HPSE2: variants seen among roughly 807,000 people sequenced by gnomAD.
The protein encoded by HPSE2 is heparanase 2 (inactive), also known as inactive heparanase-2.
A neutral mutation model predicts 60.5 loss-of-function variants in HPSE2; 38 were observed. The observed-to-expected ratio is 0.63, with a 90% CI of 0.48 to 0.82. The LOEUF is 0.82. Ranked by LOEUF, HPSE2 falls within the 40% of genes least tolerant of loss-of-function variation. The pLI, the probability that HPSE2 is intolerant of heterozygous loss-of-function variation, is 0.00. For synonymous variants in HPSE2, 295 were observed against 293.2 expected (o/e 1.01, Z -0.06); for missense variants, 713 against 740.4 (o/e 0.96, Z 0.43).
At position 98,908,689 on chromosome 10, in the gene HPSE2, A is replaced by AAT. The variant is rs1953895296; in HGVS notation, c.611-164634_611-164633insAT. On this transcript the variant is annotated intron_variant, in intron 3 of 11. Coordinates refer to ENST00000370552, the MANE Select transcript of HPSE2 (RefSeq NM_021828.5). ...CAAGAGCGTAGCTCCATCTCAAAAAAAAAAAAAAAAAAAAAAAAAAGATGG... is the reference window on the plus strand; with the variant it reads ...CAAGAGCGTAGCTCCATCTCAAAAAAATAAAAAAAAAAAAAAAAAAAAGATGG... 2.8e-5 allele frequency among the ~76,000 whole-genome samples: 4 copies of AAT among 143,430 alleles called. No individual in the cohort carries two copies. The South Asian group carries it at 8.6e-4, about 31-fold the overall frequency. The allele number at this position is 143,430 out of a possible 152,430, so 94.1% of individuals were successfully genotyped here. A position where few individuals can be genotyped will look rare whatever the true frequency, so the allele number is the denominator to read the frequency against.
rs1354145607 is a variant in HPSE2 at position 98,938,358 on chromosome 10, G to T, written c.611-194302C>A. 5.6e-5 allele frequency among the ~76,000 whole-genome samples: 8 copies of T among 144,000 alleles called. 1 individual carries two copies. The highest frequency in any genetic ancestry group is 2.0e-4 in the African/African-American group (7 of 35,398). The allele number at this position is 144,000 out of a possible 152,430, so 94.5% of individuals were successfully genotyped here. ...AACTTTGAAAAAAATTTAGACAAAT[G>T]TATAACTAGAATAACCAATACAGAG... On this transcript the variant is annotated intron_variant, in intron 3 of 11. Coordinates refer to ENST00000370552, the MANE Select transcript of HPSE2 (RefSeq NM_021828.5).
At chr10:99,083,717 A>G (rs1329930357) in intron 3 of HPSE2, among the ~76,000 whole-genome samples, 1 of 152,200 alleles carries the variant, frequency 6.6e-6, no homozygotes, top group Non-Finnish European at 1.5e-5. Context: ...TCCCTTCTCA[A>G]CTATCTTTTC....
At chr10:99,094,477 A>T (rs1389597748) in intron 3 of HPSE2, among the ~76,000 whole-genome samples, 1 of 137,702 alleles carries the variant, frequency 7.3e-6, no homozygotes, top group Non-Finnish European at 1.5e-5. Flanking sequence ...TGATGTCATG[A>T]ATATTAACAT....
At chr10:98,954,634 C>T (rs758301180) in intron 3 of HPSE2, among the ~76,000 whole-genome samples, 16 of 152,108 alleles carry the variant, frequency 1.1e-4, no homozygotes, top group Non-Finnish European at 1.6e-4. Flanking sequence ...GCAAGTTGAA[C>T]ACCTTTCGGC....
At chr10:98,743,671 G>A (rs1303046775) in intron 4 of HPSE2, among the ~76,000 whole-genome samples, 1 of 141,770 alleles carries the variant, frequency 7.1e-6, no homozygotes, top group Non-Finnish European at 1.6e-5. Context: ...GGTAACTAGA[G>A]ATAACTATAG....
chr10:98,519,915 T>C (rs956169289), intron 9 of HPSE2, among the ~76,000 whole-genome samples: 1 of 152,184 alleles, frequency 6.6e-6, no homozygotes, highest in Non-Finnish European at 1.5e-5. Context: ...TTAAACTGTA[T>C]CTGAGTAGCA....
At chr10:98,480,076 C>T (rs1207935866) in intron 11 of HPSE2, among the ~76,000 whole-genome samples, 2 of 148,436 alleles carry the variant, frequency 1.3e-5, no homozygotes, top group African/African-American at 2.6e-5. Context: ...TTCTCTTTGT[C>T]CTTGTCCCTC....
chr10:98,842,909 T>C (rs907666603), intron 3 of HPSE2, among the ~76,000 whole-genome samples: 2 of 150,906 alleles, frequency 1.3e-5, no homozygotes, highest in Non-Finnish European at 3.0e-5. Flanking sequence ...ACTGTCTCCA[T>C]ACTTTTGCCT....
intron 9 of HPSE2, among the ~76,000 whole-genome samples, chr10:98,602,568 C>G (rs1448035057): frequency 6.6e-6 from 1 of 152,052 alleles, no homozygotes; most frequent in East Asian, 1.9e-4. Context: ...TGGCCATAAT[C>G]TCTTGATTAC....
At chr10:98,503,777 A>G (rs943758665) in intron 9 of HPSE2, among the ~76,000 whole-genome samples, 3 of 152,162 alleles carry the variant, frequency 2.0e-5, no homozygotes, top group African/African-American at 7.2e-5. Context: ...AAAACCAAAC[A>G]TGTTCTCACT....
chr10:98,734,667 C>T (rs1949306032), intron 4 of HPSE2, among the ~76,000 whole-genome samples: 1 of 152,090 alleles, frequency 6.6e-6, no homozygotes, highest in African/African-American at 2.4e-5. Context: ...TTTGGAGACA[C>T]AAAATATTTT....
intron 3 of HPSE2, among the ~76,000 whole-genome samples, chr10:98,960,123 T>C (rs1159995518): frequency 2.0e-5 from 3 of 152,138 alleles, no homozygotes; most frequent in African/African-American, 7.2e-5. Flanking sequence ...CACAAGTGGT[T>C]AAGGGATGCC....
At chr10:98,955,006 A>C (rs953052909) in intron 3 of HPSE2, among the ~76,000 whole-genome samples, 4 of 148,664 alleles carry the variant, frequency 2.7e-5, no homozygotes, top group Non-Finnish European at 5.9e-5. Flanking sequence ...ATTTATTTAT[A>C]TATAACTCTA....
At chr10:99,202,639 T>C (rs1200594023) in intron 2 of HPSE2, among the ~76,000 whole-genome samples, 1 of 152,148 alleles carries the variant, frequency 6.6e-6, no homozygotes, top group Non-Finnish European at 1.5e-5. Flanking sequence ...ACCTGCTTAG[T>C]AGGGTAGTTG....
rs1326369050 is a variant in HPSE2 at position 98,724,280 on chromosome 10, T to A, written c.785-2452A>T. On this transcript the variant is annotated intron_variant, in intron 4 of 11. Coordinates refer to ENST00000370552, the MANE Select transcript of HPSE2 (RefSeq NM_021828.5). ...TTCCATGTAGTTGAGCGGTTTTGAGTGAGTTTCTTAATCCTGAGTTCTAGT... is the reference window on the plus strand; with the variant it reads ...TTCCATGTAGTTGAGCGGTTTTGAGAGAGTTTCTTAATCCTGAGTTCTAGT... Among the ~76,000 whole-genome samples, 4 of 152,124 alleles carry A rather than the reference T, an allele frequency of 2.6e-5. No homozygotes were observed. In the East Asian group the frequency reaches 7.7e-4, roughly 29 times the overall value.
At chr10:99,028,791 T>C (rs1432614033) in intron 3 of HPSE2, among the ~76,000 whole-genome samples, 1 of 152,042 alleles carries the variant, frequency 6.6e-6, no homozygotes, top group African/African-American at 2.4e-5. Context: ...AACAGACGCA[T>C]AGATCAATGG....
intron 3 of HPSE2, among the ~76,000 whole-genome samples, chr10:98,986,138 G>T (rs1327009467): frequency 1.3e-5 from 2 of 152,020 alleles, no homozygotes. Flanking sequence ...TTCACCAAGT[G>T]GACCTAATAG....
intron 3 of HPSE2, among the ~76,000 whole-genome samples, chr10:98,988,391 G>A (rs1162810482): frequency 1.2e-4 from 19 of 152,356 alleles, no homozygotes; most frequent in Admixed American, 6.5e-4. Flanking sequence ...ACAAGCAATC[G>A]GGAAAGGATT....
At chr10:99,113,127 A>G (rs1167914548) in intron 3 of HPSE2, among the ~76,000 whole-genome samples, 1 of 152,208 alleles carries the variant, frequency 6.6e-6, no homozygotes, top group Non-Finnish European at 1.5e-5. Context: ...TCTATTAGTA[A>G]CAATATAACA....
Sources: gnomAD v4.1 joint callset for allele counts (sites outside exome capture counted in the v4.1 genomes callset) on GRCh38, gnomAD v4.1.1 for gene constraint, MANE v1.5 for transcripts, NCBI Gene and HGNC (gene_info 2026-07-23, HGNC 2026-07-21) for gene names.